The following GNAQ variants were observed in gnomAD, a reference collection of about 807,000 sequenced individuals.
GNAQ encodes guanine nucleotide-binding protein G(q) subunit alpha.
A neutral mutation model predicts 43.9 loss-of-function variants in GNAQ; 8 were observed. That is an observed-to-expected ratio of 0.18 (90% CI 0.11 to 0.33). The LOEUF is 0.33. Ranked by LOEUF, GNAQ falls within the 10% of genes least tolerant of loss-of-function variation. The pLI is 1.00. For synonymous variants in GNAQ, 155 were observed against 170.7 expected (o/e 0.91, Z 0.71); for missense variants, 158 against 450.8 (o/e 0.35, Z 5.88).
chr9:77,860,439 T>G lies in GNAQ; in HGVS notation c.322-44669A>C, dbSNP rs866696055. 3.3e-5 allele frequency among the ~76,000 whole-genome samples: 5 copies of G among 152,294 alleles called. No individual in the cohort carries two copies. The South Asian group carries it at 1.0e-3, about 32-fold the overall frequency. The stretch of plus-strand genomic sequence containing the variant: ...GGGGGTATTCTGTTGCTATAAAGAC[T>G]GTGGAATGCTACAGAGATTGAGTAG... On this transcript the variant is annotated intron_variant, in intron 2 of 6. Transcript: ENST00000286548.
At chr9:77,827,154 TTCATTATATTGCATTAATCTCAATG>T (rs1401050041) in intron 2 of GNAQ, among the ~76,000 whole-genome samples, 2 of 152,092 alleles carry the variant, frequency 1.3e-5, no homozygotes, top group Non-Finnish European at 2.9e-5. Flanking sequence ...AAGGCCGAAT[TTCATTATATTGCATTAATCTCAATG>T]TTGAGTTTTT....
chr9:77,882,015 G>A (rs1373906800), intron 2 of GNAQ, among the ~76,000 whole-genome samples: 1 of 152,150 alleles, frequency 6.6e-6, no homozygotes, highest in Non-Finnish European at 1.5e-5. Context: ...GCGGGCGCCT[G>A]TAGTCCCAGT....
chr9:77,746,155 G>A (rs1825725674), intron 5 of GNAQ, among the ~76,000 whole-genome samples: 2 of 152,074 alleles, frequency 1.3e-5, no homozygotes, highest in African/African-American at 4.8e-5. Context: ...TAAGTTAGAG[G>A]GCAGAATAGG....
intron 1 of GNAQ, among the ~76,000 whole-genome samples, chr9:77,968,825 CT>C (rs1486238471): frequency 2.6e-5 from 4 of 152,232 alleles, no homozygotes; most frequent in Non-Finnish European, 4.4e-5. Context: ...CCAGAATTCA[CT>C]GGCTAAGTAA....
chr9:77,812,721 T>A (rs994905815), intron 3 of GNAQ, among the ~76,000 whole-genome samples: 2 of 152,102 alleles, frequency 1.3e-5, no homozygotes, highest in African/African-American at 4.8e-5. Flanking sequence ...GGTATAATAA[T>A]GTATTATTAT....
intron 1 of GNAQ, among the ~76,000 whole-genome samples, chr9:77,970,046 C>T (rs1587437737): frequency 6.6e-6 from 1 of 152,138 alleles, no homozygotes; most frequent in African/African-American, 2.4e-5. Context: ...TGGTGAAACG[C>T]TGTCTCTACC....
intron 3 of GNAQ, among the ~76,000 whole-genome samples, chr9:77,802,925 A>AT (rs1007109097): frequency 4.8e-4 from 73 of 151,900 alleles, no homozygotes; most frequent in East Asian, 1.9e-3. Context: ...TTAATTTATA[A>AT]TTTTTTTTAA....
chr9:78,027,380 C>T (rs760393132), intron 1 of GNAQ, among the ~76,000 whole-genome samples: 3 of 152,058 alleles, frequency 2.0e-5, no homozygotes, highest in African/African-American at 2.4e-5. Context: ...GAGCATTCTA[C>T]GAGTTAGATA....
chr9:77,747,279 A>C (rs922158602), intron 5 of GNAQ, among the ~76,000 whole-genome samples: 1 of 152,228 alleles, frequency 6.6e-6, no homozygotes, highest in Admixed American at 6.5e-5. Flanking sequence ...AAGGCAAGAC[A>C]ACAAAGCAGC....
intron 1 of GNAQ, among the ~76,000 whole-genome samples, chr9:77,993,113 G>A (rs1178078516): frequency 6.6e-6 from 1 of 151,982 alleles, no homozygotes; most frequent in Non-Finnish European, 1.5e-5. Context: ...CCTTTGTTTT[G>A]GATTAGAAAC....
At chr9:78,004,744 G>A (rs1274295072) in intron 1 of GNAQ, among the ~76,000 whole-genome samples, 1 of 152,048 alleles carries the variant, frequency 6.6e-6, no homozygotes, top group Non-Finnish European at 1.5e-5. Flanking sequence ...ATCAGAAAAG[G>A]CAATGAGAAA....
intron 1 of GNAQ, among the ~76,000 whole-genome samples, chr9:78,004,749 G>A (rs1330678254): frequency 6.6e-6 from 1 of 152,126 alleles, no homozygotes; most frequent in East Asian, 1.9e-4. Flanking sequence ...AAAAGGCAAT[G>A]AGAAAGAGGC....
chr9:77,882,310 A>G (rs1036113696), intron 2 of GNAQ, among the ~76,000 whole-genome samples: 1 of 152,208 alleles, frequency 6.6e-6, no homozygotes, highest in African/African-American at 2.4e-5. Context: ...GGAGATGAGA[A>G]TTACTGTTCC....
chr9:77,761,388 G>A (rs1295233840), intron 5 of GNAQ, among the ~76,000 whole-genome samples: 704 of 102,904 alleles, frequency 6.8e-3, no homozygotes, highest in South Asian at 0.011. Flanking sequence ...CTGCCCGGCC[G>A]CCCCTACTGG....
intron 5 of GNAQ, among the ~76,000 whole-genome samples, chr9:77,731,484 T>G (rs953826569): frequency 2.0e-5 from 3 of 152,206 alleles, no homozygotes; most frequent in Admixed American, 6.5e-5. Flanking sequence ...AGGTGCCATG[T>G]GGACTGAAGC....
chr9:77,953,037 A>G (rs1428653177), intron 1 of GNAQ, among the ~76,000 whole-genome samples: 3 of 152,216 alleles, frequency 2.0e-5, no homozygotes, highest in African/African-American at 4.8e-5. Flanking sequence ...ACACTCCAAT[A>G]AAGTATCATG....
At chr9:77,965,601 C>G (rs145625845) in intron 1 of GNAQ, among the ~76,000 whole-genome samples, 158 of 152,240 alleles carry the variant, frequency 1.0e-3, no homozygotes, top group African/African-American at 3.6e-3. Context: ...TGAGAAACTA[C>G]TCAACAACAT....
At chr9:77,760,890 CCGGT>C (rs1825994054) in intron 5 of GNAQ, among the ~76,000 whole-genome samples, 1 of 149,040 alleles carries the variant, frequency 6.7e-6, no homozygotes, top group Non-Finnish European at 1.5e-5. Context: ...GTGCCTCTGC[CCGGT>C]CGCGACCCCG....
chr9:77,943,660 C>CTTTT (rs34195207), intron 1 of GNAQ, among the ~76,000 whole-genome samples: 5 of 116,152 alleles, frequency 4.3e-5, no homozygotes, highest in Non-Finnish European at 7.0e-5. Context: ...AAGTAACTAA[C>CTTTT]TTTTTTTTTT....
Sources: allele counts gnomAD v4.1 joint callset (sites outside exome capture counted in the v4.1 genomes callset), GRCh38; gene constraint gnomAD v4.1.1; transcripts MANE v1.5; gene names NCBI Gene and HGNC (gene_info 2026-07-23, HGNC 2026-07-21).